Variants in OPRM1 observed in about 807,000 individuals in gnomAD.
The protein encoded by OPRM1 is opioid receptor mu 1, also known as mu-type opioid receptor.
A neutral mutation model predicts 31.8 loss-of-function variants in OPRM1; 27 were observed. That is an observed-to-expected ratio of 0.85 (90% CI 0.63 to 1.17). OPRM1 has a LOEUF of 1.17. Among genes scored for constraint, OPRM1 ranks in the 50% most tolerant of loss-of-function variants. OPRM1 has a pLI of 0.00. For missense variants in OPRM1, 536 were observed against 511.1 expected (o/e 1.05, Z -0.47); for synonymous variants, 196 against 189.9 (o/e 1.03, Z -0.26).
chr6:154,118,711 C>T lies in OPRM1; in HGVS notation c.1193C>T (p.Pro398Leu), dbSNP rs779071075. 6.2e-6 allele frequency: 10 copies of T among 1,613,164 alleles called. No individual in the cohort carries two copies. The highest frequency in any genetic ancestry group is 4.5e-5 in the East Asian group (2 of 44,868). Residue 398 changes from proline to leucine, a missense_variant, in exon 4 of 4, where the codon CCG (proline) becomes CTG (leucine). Transcript: ENST00000330432. ...QLENLEAETAPLP is the reference protein window; with the variant it reads ...QLENLEAETALLP The stretch of plus-strand genomic sequence containing the variant: ...GAAAATCTGGAAGCAGAAACTGCTC[C>T]GTTGCCCTAACAGGGTCTCATGCCA...
chr6:154,233,261 T>C (rs917896453), intron 3 of OPRM1, among the ~76,000 whole-genome samples: 3 of 152,216 alleles, frequency 2.0e-5, no homozygotes, highest in South Asian at 2.1e-4. Flanking sequence ...ACTGAGTGCA[T>C]TGTAAGCTGA....
chr6:154,145,663 A>G (rs2128539632), intron 3 of OPRM1, among the ~76,000 whole-genome samples: 1 of 152,384 alleles, frequency 6.6e-6, no homozygotes, highest in Admixed American at 6.5e-5. Context: ...GCAAGGAACT[A>G]AAATAGCTAA....
At position 154,187,904 on chromosome 6, in the gene OPRM1, G is replaced by A. The variant is rs112088569; in HGVS notation, c.1165-58789G>A. ...ACTTGGTGGCAGAGGTGATGAAAAA[G>A]TACCTACTTCCAACTTGGTGGTAGA... On this transcript the variant is annotated intron_variant, in intron 3 of 3. Transcript: ENST00000337049. 4.5e-3 allele frequency among the ~76,000 whole-genome samples: 687 copies of A among 152,280 alleles called. 6 individuals carry two copies. The highest frequency in any genetic ancestry group is 0.014 in the African/African-American group (597 of 41,538).
chr6:154,089,701 A>G, intron 1 of OPRM1, 125 bp from the exon 2 acceptor site: 2 of 660,990 alleles, frequency 3.0e-6, no homozygotes, highest in Non-Finnish European at 5.1e-6. Flanking sequence ...GATACTGGAA[A>G]ACAATTCTAT....
Position 154,085,888 on chromosome 6 carries a change from C to CTTTTTTTT in OPRM1, c.291-3928_291-3921dup, listed in dbSNP as rs779654564. Among the ~76,000 whole-genome samples the CTTTTTTTT allele has an allele frequency of 1.1e-3, 136 of 123,926 alleles. 8 individuals carry two copies. The highest frequency in any genetic ancestry group is 3.9e-3 in the African/African-American group (117 of 30,370). 81.3% of individuals were successfully genotyped at this position (123,926 alleles called of 152,430 possible). On this transcript the variant is annotated intron_variant, in intron 1 of 3. Transcript: ENST00000330432. The stretch of plus-strand genomic sequence containing the variant: ...CATCAGAACAGAATGAAAGCTTGCC[C>CTTTTTTTT]TTTTTTTTTTTTTTTTTGAGACAGT...
chr6:154,101,849 T>G (rs187187397), intron 3 of OPRM1, among the ~76,000 whole-genome samples: 2 of 152,220 alleles, frequency 1.3e-5, no homozygotes, highest in African/African-American at 4.8e-5. Context: ...CATAAACATA[T>G]GTAAATTTAA....
At chr6:154,152,315 G>GAA (rs749981725) in intron 3 of OPRM1, among the ~76,000 whole-genome samples, 1 of 56,986 alleles carries the variant, frequency 1.8e-5, no homozygotes, top group Non-Finnish European at 3.8e-5. Flanking sequence ...AAGAAAGAAA[G>GAA]AAAGAAAGAA....
intron 3 of OPRM1, chr6:154,093,218 C>G: frequency 6.7e-7 from 1 of 1,501,012 alleles, no homozygotes; most frequent in South Asian, 1.3e-5. Context: ...TAAAATATTT[C>G]CATTGGAGCA....
chr6:154,076,538 C>T (rs895434330), intron 1 of OPRM1, among the ~76,000 whole-genome samples: 1 of 152,138 alleles, frequency 6.6e-6, no homozygotes, highest in Non-Finnish European at 1.5e-5. Flanking sequence ...GTAGATATGG[C>T]TAGACACGGT....
At chr6:154,046,827 A>T in intron 1 of OPRM1, 1 of 152,196 alleles carries the variant, frequency 6.6e-6, no homozygotes, top group East Asian at 1.9e-4. Context: ...TGCGAATTGG[A>T]CTAAAAAAAT....
chr6:154,162,776 A>G (rs564671703), intron 3 of OPRM1, among the ~76,000 whole-genome samples: 1 of 152,208 alleles, frequency 6.6e-6, no homozygotes, highest in Admixed American at 6.5e-5. Context: ...CCAAGTTTAT[A>G]TCTCTCCTTA....
At chr6:154,025,387 A>G (rs1207318662) in intron 1 of OPRM1, among the ~76,000 whole-genome samples, 1 of 151,660 alleles carries the variant, frequency 6.6e-6, no homozygotes, top group Non-Finnish European at 1.5e-5. Context: ...ATCTTTTTCT[A>G]TCTTTTTATT....
At chr6:154,097,026 T>C (rs1420368223) in intron 3 of OPRM1, among the ~76,000 whole-genome samples, 1 of 152,212 alleles carries the variant, frequency 6.6e-6, no homozygotes, top group Admixed American at 6.5e-5. Flanking sequence ...GCCATTTCAG[T>C]CAAGCTGATT....
Position 154,168,234 on chromosome 6 carries a change from C to A in OPRM1, c.1164+76762C>A. 2.9e-6 allele frequency: 2 copies of A among 678,548 alleles called. No homozygotes were observed. The highest frequency in any genetic ancestry group is 2.9e-5 in the South Asian group (1 of 34,076). 42.0% of individuals were successfully genotyped at this position (678,548 alleles called of 1,614,324 possible). Reference sequence around the variant, plus strand: ...GGCACCCTCATCTCAGACTTCTCTCCGGAACTGAAAGACAATAAATGTTTG... The same window carrying A: ...GGCACCCTCATCTCAGACTTCTCTCAGGAACTGAAAGACAATAAATGTTTG... On this transcript the variant is annotated intron_variant, in intron 3 of 3. Coordinates refer to the OPRM1 transcript ENST00000337049. The surrounding 1 kb of genome is among the most constrained non-coding windows in gnomAD (Gnocchi z 4.1).
chr6:154,207,480 G>C (rs6900677), intron 3 of OPRM1, among the ~76,000 whole-genome samples: 8,312 of 152,184 alleles, frequency 0.055, 315 homozygotes, highest in East Asian at 0.2. Context: ...GTAGACAACT[G>C]TTCAAGATAT....
chr6:154,228,346 C>G (rs1583852471), intron 3 of OPRM1, among the ~76,000 whole-genome samples: 1 of 152,066 alleles, frequency 6.6e-6, no homozygotes, highest in East Asian at 1.9e-4. Flanking sequence ...ATGCTGGTAC[C>G]TGCAAGCTTC....
chr6:154,160,111 A>C, intron 3 of OPRM1: 1 of 1,204,834 alleles, frequency 8.3e-7, no homozygotes, highest in Non-Finnish European at 1.2e-6. Context: ...CATCTTTACC[A>C]ACTCTTTTAC....
At chr6:154,240,259 C>A (rs1266291874) in intron 3 of OPRM1, among the ~76,000 whole-genome samples, 1 of 152,162 alleles carries the variant, frequency 6.6e-6, no homozygotes, top group Non-Finnish European at 1.5e-5. Context: ...TACCTGCCAA[C>A]TTCTAGGATA....
At chr6:154,174,318 A>G (rs1002198795) in intron 3 of OPRM1, among the ~76,000 whole-genome samples, 1 of 152,248 alleles carries the variant, frequency 6.6e-6, no homozygotes, top group African/African-American at 2.4e-5. Flanking sequence ...ATTCACACAT[A>G]ACAATATTAA....
Sources: allele counts gnomAD v4.1 joint callset (sites outside exome capture counted in the v4.1 genomes callset), GRCh38; gene constraint gnomAD v4.1.1; non-coding constraint Gnocchi (gnomAD v3.1); transcripts MANE v1.5; gene names NCBI Gene and HGNC (gene_info 2026-07-23, HGNC 2026-07-21).